Variants in SLC4A4 observed in about 807,000 individuals in gnomAD.
SLC4A4 encodes the protein solute carrier family 4 member 4, also known as electrogenic sodium bicarbonate cotransporter 1.
SLC4A4 carries 27 observed loss-of-function variants against 111.5 expected under a neutral mutation model. That is an observed-to-expected ratio of 0.24 (90% CI 0.18 to 0.33). The LOEUF (loss-of-function observed/expected upper bound fraction) is 0.33, where lower values mean the gene tolerates loss of function less well. Ranked by LOEUF, SLC4A4 falls within the 10% of genes least tolerant of loss-of-function variation. The pLI is 1.00. For missense variants in SLC4A4, 909 were observed against 1,315.5 expected, an observed-to-expected ratio of 0.69 and a Z score of 4.78; for synonymous variants, 443 against 463.4, an observed-to-expected ratio of 0.96 and a Z score of 0.57.
chr4:71,086,725 T>G (rs1217179985), intron 1 of SLC4A4, among the ~76,000 whole-genome samples: 1 of 152,106 alleles, frequency 6.6e-6, no homozygotes, highest in Non-Finnish European at 1.5e-5. Context: ...TTGCATATGT[T>G]GAACCAGCCT....
At chr4:71,384,847 A>T (rs1233787273) in intron 6 of SLC4A4, among the ~76,000 whole-genome samples, 1 of 151,606 alleles carries the variant, frequency 6.6e-6, no homozygotes, top group Non-Finnish European at 1.5e-5. Context: ...TGAAAAAAGG[A>T]TGTAGGAGCA....
chr4:71,534,503 C>T (rs1734238558), intron 18 of SLC4A4, 115 bp downstream of exon 18: 3 of 931,214 alleles, frequency 3.2e-6, no homozygotes, highest in African/African-American at 3.3e-5. Context: ...GCTAATGTTC[C>T]TTAAGAGTCC....
intron 12 of SLC4A4, among the ~76,000 whole-genome samples, chr4:71,458,794 T>C (rs1259572329): frequency 6.6e-6 from 1 of 152,026 alleles, no homozygotes; most frequent in African/African-American, 2.4e-5. Context: ...TTAAAGCAAA[T>C]TGGTAATTGC....
intron 3 of SLC4A4, among the ~76,000 whole-genome samples, chr4:71,301,754 C>G (rs1435694313): frequency 6.6e-6 from 1 of 152,214 alleles, no homozygotes; most frequent in Non-Finnish European, 1.5e-5. Flanking sequence ...GTTTGGCCAC[C>G]ACAGCCAGCC....
chr4:71,392,716 GACA>G (rs1223076420), intron 6 of SLC4A4, among the ~76,000 whole-genome samples: 1 of 152,052 alleles, frequency 6.6e-6, no homozygotes, highest in Non-Finnish European at 1.5e-5. Flanking sequence ...AATCAAAAAA[GACA>G]ACTACAGACT....
intron 3 of SLC4A4, among the ~76,000 whole-genome samples, chr4:71,261,134 A>G (rs1476518543): frequency 2.0e-5 from 3 of 152,178 alleles, no homozygotes. Context: ...AGCAACCTAA[A>G]TTCAGTCTCT....
chr4:71,095,677 T>C (rs1175601922), intron 2 of SLC4A4, among the ~76,000 whole-genome samples: 1 of 152,204 alleles, frequency 6.6e-6, no homozygotes, highest in Admixed American at 6.5e-5. Flanking sequence ...GCTGGATATA[T>C]ATAATAGTGA....
chr4:71,475,506 G>A (rs775714873), intron 14 of SLC4A4, among the ~76,000 whole-genome samples: 23 of 151,842 alleles, frequency 1.5e-4, no homozygotes, highest in African/African-American at 5.3e-4. Flanking sequence ...CCTTTGTCCA[G>A]TTTTTCCCAG....
chr4:71,177,825 G>A (rs1275665665), intron 2 of SLC4A4, among the ~76,000 whole-genome samples: 8 of 152,022 alleles, frequency 5.3e-5, no homozygotes, highest in Non-Finnish European at 1.0e-4. Context: ...TGCACCAAGC[G>A]GACCTAATAG....
intron 14 of SLC4A4, among the ~76,000 whole-genome samples, chr4:71,475,538 A>C (rs990976683): frequency 1.1e-4 from 16 of 151,986 alleles, no homozygotes; most frequent in African/African-American, 3.9e-4. Context: ...AGTCAGTGCT[A>C]AGTAACTAGG....
chr4:71,555,012 G>A (rs912310144), intron 20 of SLC4A4, 128 bp from the exon 21 acceptor site: 1 of 737,860 alleles, frequency 1.4e-6, no homozygotes, highest in Non-Finnish European at 2.5e-6. Context: ...AAGCATACTA[G>A]TTAGAGGTCA....
chr4:71,302,011 C>G (rs901997731), intron 3 of SLC4A4, among the ~76,000 whole-genome samples: 26 of 152,142 alleles, frequency 1.7e-4, no homozygotes, highest in Non-Finnish European at 3.4e-4. Flanking sequence ...TGGTGCACTG[C>G]AAAAGATGGC....
intron 2 of SLC4A4, among the ~76,000 whole-genome samples, chr4:71,120,669 A>G (rs1009517081): frequency 1.1e-4 from 16 of 152,212 alleles, no homozygotes; most frequent in African/African-American, 3.6e-4. Flanking sequence ...GAAGTTCGAG[A>G]CCAGCCTGGT....
chr4:71,552,128 A>G (rs924620932), intron 20 of SLC4A4, among the ~76,000 whole-genome samples: 1 of 151,824 alleles, frequency 6.6e-6, no homozygotes, highest in African/African-American at 2.4e-5. Flanking sequence ...TTAATACCTC[A>G]TTTATCATTT....
At chr4:71,307,593 T>C (rs958424476) in intron 3 of SLC4A4, among the ~76,000 whole-genome samples, 2 of 152,174 alleles carry the variant, frequency 1.3e-5, no homozygotes, top group Non-Finnish European at 2.9e-5. Flanking sequence ...ACCACCATCA[T>C]TGATTGGGTT....
chr4:71,266,797 C>T (rs1578712145), intron 3 of SLC4A4, among the ~76,000 whole-genome samples: 2 of 152,310 alleles, frequency 1.3e-5, no homozygotes, highest in Non-Finnish European at 1.5e-5. Flanking sequence ...GACTTCAATT[C>T]AGTGCAGTGC....
rs544050648 is a variant in SLC4A4 at position 71,356,698 on chromosome 4, C to T, written c.551-310C>T. Among the ~76,000 whole-genome samples, 92 of 152,172 alleles carry T rather than the reference C, an allele frequency of 6.0e-4. 1 individual carries two copies. In the South Asian group the frequency reaches 0.016, roughly 27 times the overall value. ...TGCTATGAGTACATGAACTTTTTGA[C>T]TCTTCCCCTTTTAATTGAAAAATAT... On this transcript the variant is annotated intron_variant, in intron 5 of 25. Transcript: ENST00000264485.
In SLC4A4 at chr4:71,350,109, G is replaced by A. The variant is rs201349600; in HGVS notation, c.550+37G>A. 158 of 1,611,566 alleles carry A rather than the reference G, an allele frequency of 9.8e-5. No individual in the cohort carries two copies. In the East Asian group the frequency reaches 2.1e-3, roughly 21 times the overall value. On this transcript the variant is annotated intron_variant, in intron 5 of 25. Coordinates refer to ENST00000264485, the MANE Select transcript of SLC4A4 (RefSeq NM_001098484.3). ...GTTTGAATTTTATCCTATTTTTTTC[G>A]GCTTTCCCTAGCCACATGTCTCCAT...
intron 2 of SLC4A4, among the ~76,000 whole-genome samples, chr4:71,161,017 A>T (rs981809016): frequency 6.6e-6 from 1 of 152,202 alleles, no homozygotes; most frequent in Non-Finnish European, 1.5e-5. Flanking sequence ...GTATTTTCAC[A>T]GTACTGATTA....
Sources: gnomAD v4.1 joint callset for allele counts (sites outside exome capture counted in the v4.1 genomes callset) on GRCh38, gnomAD v4.1.1 for gene constraint, MANE v1.5 for transcripts, NCBI Gene and HGNC (gene_info 2026-07-23, HGNC 2026-07-21) for gene names.